The following KCTD1 variants were observed in gnomAD, a reference collection of about 807,000 sequenced individuals.
The protein encoded by KCTD1 is potassium channel tetramerization domain containing 1, also known as BTB/POZ domain-containing protein KCTD1.
Under a neutral mutation model 66.0 loss-of-function variants are expected in KCTD1, and 24 were observed. That is an observed-to-expected ratio of 0.36 (90% CI 0.26 to 0.51). KCTD1 has a LOEUF of 0.51. Among genes scored for constraint, KCTD1 ranks in the 20% least tolerant of loss-of-function variants. KCTD1 has a pLI of 0.95. For synonymous variants in KCTD1, 511 were observed against 517.2 expected (o/e 0.99, Z 0.16); for missense variants, 943 against 1,205.2 (o/e 0.78, Z 3.22).
intron 1 of KCTD1, among the ~76,000 whole-genome samples, chr18:26,623,709 T>C (rs1987439285): frequency 6.6e-6 from 1 of 152,150 alleles, no homozygotes; most frequent in African/African-American, 2.4e-5. Flanking sequence ...ATAGAGTAAA[T>C]TGGTACCAGT....
intron 1 of KCTD1, among the ~76,000 whole-genome samples, chr18:26,517,290 T>C (rs914429635): frequency 6.6e-6 from 1 of 152,142 alleles, no homozygotes; most frequent in African/African-American, 2.4e-5. Flanking sequence ...AATTGAATCA[T>C]GGGGACAAGT....
chr18:26,461,760 T>G (rs913027906), intron 3 of KCTD1, among the ~76,000 whole-genome samples: 2 of 152,222 alleles, frequency 1.3e-5, no homozygotes, highest in African/African-American at 2.4e-5. Flanking sequence ...GCTATTGCTT[T>G]TTATTTTCTT....
At chr18:26,530,616 T>C (rs893397022) in intron 1 of KCTD1, among the ~76,000 whole-genome samples, 4 of 152,318 alleles carry the variant, frequency 2.6e-5, no homozygotes, top group African/African-American at 9.6e-5. Flanking sequence ...TTTGGGTGTA[T>C]GTGATTCCTA....
At chr18:26,545,561 A>T (rs1404289648) in intron 1 of KCTD1, 1 of 152,048 alleles carries the variant, frequency 6.6e-6, no homozygotes, top group East Asian at 2.0e-4. Flanking sequence ...GGTACCTGAC[A>T]TATGTTCCTG....
At chr18:26,621,815 T>C (rs189594131) in intron 1 of KCTD1, among the ~76,000 whole-genome samples, 3 of 152,340 alleles carry the variant, frequency 2.0e-5, no homozygotes, top group East Asian at 3.9e-4. Context: ...TTTTTTGTTT[T>C]GTTAAATAGG....
At chr18:26,568,632 A>G (rs1389620559) in intron 1 of KCTD1, among the ~76,000 whole-genome samples, 2 of 152,214 alleles carry the variant, frequency 1.3e-5, no homozygotes, top group African/African-American at 4.8e-5. Context: ...ATTGCATCTA[A>G]AACCGTTACA....
In KCTD1 at chr18:26,615,444, T is replaced by G. The variant is rs76995235; in HGVS notation, c.-16+13703A>C. On this transcript the variant is annotated intron_variant, in intron 1 of 4. Coordinates refer to the KCTD1 transcript ENST00000317932. ...GTGGATAGAGAAGGGGATGGGAGAC[T>G]TAAATAATATAAGAAACAAGTAGTA... is the stretch of plus-strand genomic sequence containing the variant. Among the ~76,000 whole-genome samples the G allele has an allele frequency of 3.9e-3, 597 of 152,314 alleles. 6 individuals carry two copies. Among genetic ancestry groups the G allele is most frequent in the African/African-American group, 0.014 (580 of 41,566 alleles).
chr18:26,605,819 C>G (rs1314517497), intron 1 of KCTD1, among the ~76,000 whole-genome samples: 1 of 151,118 alleles, frequency 6.6e-6, no homozygotes, highest in African/African-American at 2.4e-5. Flanking sequence ...ATTGTTTACC[C>G]TTCTCTTTGC....
At chr18:26,473,540 C>T (rs1320389009) in intron 3 of KCTD1, among the ~76,000 whole-genome samples, 1 of 150,582 alleles carries the variant, frequency 6.6e-6, no homozygotes, top group East Asian at 2.0e-4. Context: ...GCACATCCTG[C>T]ACATGCACCC....
chr18:26,643,237 C>G (rs965465329), upstream of KCTD1, among the ~76,000 whole-genome samples: 2 of 152,114 alleles, frequency 1.3e-5, no homozygotes, highest in Non-Finnish European at 2.9e-5. Context: ...TATCTGGTGT[C>G]TCTTCTTATA....
intron 1 of KCTD1, among the ~76,000 whole-genome samples, chr18:26,612,330 A>C (rs1034978314): frequency 6.6e-6 from 1 of 152,098 alleles, no homozygotes; most frequent in Non-Finnish European, 1.5e-5. Context: ...TTTGGGTTGA[A>C]TTGATCCCCT....
At chr18:26,556,274 C>T (rs910833051) in intron 1 of KCTD1, among the ~76,000 whole-genome samples, 1 of 152,150 alleles carries the variant, frequency 6.6e-6, no homozygotes, top group African/African-American at 2.4e-5. Flanking sequence ...AACATTGTGA[C>T]CTGGCCCCTC....
chr18:26,458,040 T>TAA (rs1567952224), intron 4 of KCTD1: 1 of 152,478 alleles, frequency 6.6e-6, no homozygotes, highest in Non-Finnish European at 1.5e-5. Context: ...GGGGACAGGC[T>TAA]TTCTGGGCTT....
At chr18:26,623,473 G>C (rs1942427) in intron 1 of KCTD1, among the ~76,000 whole-genome samples, 55,925 of 151,908 alleles carry the variant, frequency 0.37, 10,657 homozygotes, top group Middle Eastern at 0.45. Flanking sequence ...TCATGAAAGT[G>C]AGTTCTCATG....
intron 1 of KCTD1, among the ~76,000 whole-genome samples, chr18:26,525,720 C>A (rs1479642666): frequency 1.3e-5 from 2 of 152,176 alleles, no homozygotes; most frequent in Non-Finnish European, 2.9e-5. Flanking sequence ...TCCCTCCCTG[C>A]CTGGCTTCCT....
At chr18:26,646,592 C>T (rs59430211) in intron 1 of KCTD1, among the ~76,000 whole-genome samples, 3,591 of 152,216 alleles carry the variant, frequency 0.024, 97 homozygotes, top group African/African-American at 0.07. Flanking sequence ...TATATGAACA[C>T]TTCAACTGTA....
chr18:26,556,005 G>A (rs9789177), intron 1 of KCTD1, among the ~76,000 whole-genome samples: 9 of 149,684 alleles, frequency 6.0e-5, no homozygotes, highest in East Asian at 3.9e-4. Context: ...TACCTGCCCC[G>A]TGGCTGTGTT....
chr18:26,598,044 C>T (rs1022947594), intron 1 of KCTD1, among the ~76,000 whole-genome samples: 5 of 152,206 alleles, frequency 3.3e-5, no homozygotes, highest in Non-Finnish European at 7.3e-5. Flanking sequence ...ACACTGTACT[C>T]ATTGACAATC....
upstream of KCTD1, chr18:26,549,213 G>A (rs1985438651): frequency 6.1e-6 from 6 of 986,444 alleles, no homozygotes; most frequent in Admixed American, 3.1e-4. Flanking sequence ...AGCGGGATGG[G>A]GCTGGCGGCG....
Sources: allele counts gnomAD v4.1 joint callset (sites outside exome capture counted in the v4.1 genomes callset), GRCh38; gene constraint gnomAD v4.1.1; transcripts MANE v1.5; gene names NCBI Gene and HGNC (gene_info 2026-07-23, HGNC 2026-07-21).